Variants in MAK observed in about 807,000 individuals in gnomAD.
The protein encoded by MAK is male germ cell associated kinase.
Under a neutral mutation model 82.6 loss-of-function variants are expected in MAK, and 65 were observed. That is an observed-to-expected ratio of 0.79 (90% CI 0.64 to 0.97). The LOEUF is 0.97. Ranked by LOEUF, MAK falls within the 50% of genes least tolerant of loss-of-function variation. MAK has a pLI of 0.00. For synonymous variants in MAK, 250 were observed against 274.2 expected (o/e 0.91, Z 0.87); for missense variants, 703 against 780.2 (o/e 0.90, Z 1.18).
intron 2 of MAK, chr6:10,826,425 A>AT (rs998325425): frequency 4.1e-4 from 62 of 152,238 alleles, no homozygotes; most frequent in African/African-American, 1.4e-3. Context: ...TCCTGAGTAT[A>AT]TTGTAAGACA....
intron 1 of MAK, among the ~76,000 whole-genome samples, chr6:10,833,268 T>C (rs533262962): frequency 6.6e-6 from 1 of 152,334 alleles, no homozygotes; most frequent in South Asian, 2.1e-4. Flanking sequence ...GGAACGTATC[T>C]GTTCACAGAA....
chr6:10,798,798 CATTATTTA>C (rs1407738332), intron 8 of MAK, among the ~76,000 whole-genome samples: 3 of 145,246 alleles, frequency 2.1e-5, no homozygotes, highest in Admixed American at 7.1e-5. Context: ...AGTTTAGAAA[CATTATTTA>C]TTTATTTATT....
intron 5 of MAK, among the ~76,000 whole-genome samples, chr6:10,810,269 A>G (rs544298205): frequency 6.6e-6 from 1 of 151,692 alleles, no homozygotes; most frequent in Non-Finnish European, 1.5e-5. Context: ...CTTGGGAGGC[A>G]GGGAGACTGC....
intron 14 of MAK, among the ~76,000 whole-genome samples, chr6:10,768,819 T>C (rs1197368729): frequency 6.6e-6 from 1 of 152,224 alleles, no homozygotes; most frequent in African/African-American, 2.4e-5. Flanking sequence ...TTAGCTCCAA[T>C]AGTGTGAACT....
Position 10,773,103 on chromosome 6 carries a change from T to C in MAK, c.1603A>G (p.Ser535Gly), listed in dbSNP as rs1773162336. ...AGTTTTTCGATTGGTTTAATTATGC[T>C]TTCTTCTAAAGAGAAGACAGATGGA... is the stretch of plus-strand genomic sequence containing the variant. ...LAFKRSNAEE[S>G]IIKPIEKLSC... is the part of the protein sequence containing the mutation. The change falls in exon 13 of 15, where the codon AGC becomes GGC. Residue 535 changes from serine (S) to glycine (G), a missense_variant. Coordinates refer to ENST00000354489, the MANE Select transcript of MAK (RefSeq NM_001242957.3). The C allele has an allele frequency of 2.7e-6, 4 of 1,501,900 alleles. No homozygotes were observed. Among genetic ancestry groups the C allele is most frequent in the East Asian group, 4.9e-5 (2 of 40,646 alleles). The allele number at this position is 1,501,900 out of a possible 1,614,324, so 93.0% of individuals were successfully genotyped here.
intron 2 of MAK, 140 bp from the exon 3 acceptor site, chr6:10,819,080 C>T (rs1777723278): frequency 1.5e-6 from 1 of 658,444 alleles, no homozygotes; most frequent in African/African-American, 1.8e-5. Flanking sequence ...AAGGAAATCA[C>T]CTCCTATACC....
chr6:10,837,873 T>C (rs1235164587), intron 1 of MAK, among the ~76,000 whole-genome samples: 1 of 152,014 alleles, frequency 6.6e-6, no homozygotes, highest in East Asian at 1.9e-4. Flanking sequence ...GACCGCGTGG[T>C]GGAAGGAGGG....
At chr6:10,829,984 GCA>G (rs1454640320) in intron 2 of MAK, among the ~76,000 whole-genome samples, 3 of 151,632 alleles carry the variant, frequency 2.0e-5, no homozygotes, top group Admixed American at 6.6e-5. Flanking sequence ...TTACATGTGT[GCA>G]CCACCATGCC....
chr6:10,832,402 A>G (rs1368277908), intron 1 of MAK, among the ~76,000 whole-genome samples: 2 of 152,256 alleles, frequency 1.3e-5, no homozygotes, highest in Admixed American at 6.5e-5. Context: ...CATATTACAG[A>G]GAAATCTTTT....
intron 9 of MAK, among the ~76,000 whole-genome samples, chr6:10,794,739 T>C (rs2127546032): frequency 6.6e-6 from 1 of 152,306 alleles, no homozygotes; most frequent in East Asian, 1.9e-4. Context: ...AGGCCTGTAA[T>C]CCAAGCACTT....
intron 12 of MAK, among the ~76,000 whole-genome samples, chr6:10,774,717 G>A (rs1323089210): frequency 6.6e-6 from 1 of 152,132 alleles, no homozygotes; most frequent in Admixed American, 6.5e-5. Context: ...CTTTAAAAAG[G>A]ACCTGTTCCT....
intron 8 of MAK, among the ~76,000 whole-genome samples, chr6:10,797,081 C>T (rs1387979673): frequency 1.3e-5 from 2 of 151,796 alleles, no homozygotes; most frequent in South Asian, 2.1e-4. Flanking sequence ...TGTAAAATTC[C>T]GGGTTACTCT....
intron 8 of MAK, among the ~76,000 whole-genome samples, chr6:10,797,247 G>GT (rs1351931721): frequency 6.6e-6 from 1 of 152,164 alleles, no homozygotes; most frequent in Non-Finnish European, 1.5e-5. Flanking sequence ...AATGATCACT[G>GT]TTTGAGTTTT....
intron 5 of MAK, among the ~76,000 whole-genome samples, chr6:10,810,165 C>G (rs1776813799): frequency 6.6e-6 from 1 of 150,962 alleles, no homozygotes; most frequent in Admixed American, 6.6e-5. Context: ...ACATTAAAGC[C>G]CTCCTGGCAG....
intron 5 of MAK, among the ~76,000 whole-genome samples, chr6:10,812,397 T>C (rs984301682): frequency 6.6e-6 from 1 of 152,162 alleles, no homozygotes; most frequent in Non-Finnish European, 1.5e-5. Context: ...CTAATAATTA[T>C]TTTGATTTGA....
rs931400468 is a variant in MAK, at chr6:10,804,532, G to A, written c.492-641C>T. Among the ~76,000 whole-genome samples the A allele has an allele frequency of 2.6e-5, 4 of 152,130 alleles. No homozygotes were observed. The South Asian group carries it at 6.2e-4, about 24-fold the overall frequency. On this transcript the variant is annotated intron_variant, in intron 6 of 14. Coordinates refer to ENST00000354489, the MANE Select transcript of MAK (RefSeq NM_001242957.3). Reference sequence around the variant, plus strand: ...TAATTTTTGTATTTTTAGTAGAGACGGGGTTTCCCCATGTTGGCCAGGCTG... The same window carrying A: ...TAATTTTTGTATTTTTAGTAGAGACAGGGTTTCCCCATGTTGGCCAGGCTG...
chr6:10,830,167 GTA>G (rs774223604), intron 2 of MAK, among the ~76,000 whole-genome samples: 2 of 140,768 alleles, frequency 1.4e-5, no homozygotes, highest in African/African-American at 2.6e-5. Context: ...GCGTGTGCAC[GTA>G]TATATATATA....
intron 1 of MAK, among the ~76,000 whole-genome samples, chr6:10,836,174 G>GT (rs1779136397): frequency 6.6e-6 from 1 of 152,182 alleles, no homozygotes; most frequent in South Asian, 2.1e-4. Context: ...GCTCCTTTCT[G>GT]TTTGAGGGGT....
chr6:10,811,200 C>T (rs562713056), intron 5 of MAK, among the ~76,000 whole-genome samples: 74 of 152,310 alleles, frequency 4.9e-4, no homozygotes, highest in African/African-American at 1.6e-3. Flanking sequence ...GTTTTCACCA[C>T]GTTGGCCAGG....
Sources: gnomAD v4.1 joint callset for allele counts (sites outside exome capture counted in the v4.1 genomes callset) on GRCh38, gnomAD v4.1.1 for gene constraint, MANE v1.5 for transcripts, NCBI Gene and HGNC (gene_info 2026-07-23, HGNC 2026-07-21) for gene names.